BACH2: variants seen among roughly 807,000 people sequenced by gnomAD.
BACH2 encodes the protein transcription regulator protein BACH2.
Under a neutral mutation model 61.8 loss-of-function variants are expected in BACH2, and 5 were observed. The observed-to-expected ratio is 0.08, with a 90% CI of 0.04 to 0.17. BACH2 has a LOEUF of 0.17. Ranked by LOEUF, BACH2 falls within the 10% of genes least tolerant of loss-of-function variation. The pLI, the probability that BACH2 is intolerant of heterozygous loss-of-function variation, is 1.00. For synonymous variants in BACH2, 446 were observed against 440.1 expected (o/e 1.01, Z -0.17); for missense variants, 824 against 1,091.1 (o/e 0.76, Z 3.45).
chr6:90,294,726 A>G (rs574026699), intron 1 of BACH2, among the ~76,000 whole-genome samples: 157 of 152,254 alleles, frequency 1.0e-3, no homozygotes, highest in African/African-American at 3.6e-3. Flanking sequence ...TCACATTTTA[A>G]GCAAGACGCC....
At chr6:90,244,444 T>G (rs1770563698) in intron 3 of BACH2, among the ~76,000 whole-genome samples, 1 of 152,232 alleles carries the variant, frequency 6.6e-6, no homozygotes, top group Admixed American at 6.5e-5. Context: ...GAAACTCTGC[T>G]GTGATCTCTC....
chr6:90,005,487 T>C (rs1777359911), intron 6 of BACH2, among the ~76,000 whole-genome samples: 1 of 152,214 alleles, frequency 6.6e-6, no homozygotes, highest in Non-Finnish European at 1.5e-5. Context: ...TAAGGTAGTA[T>C]TTAGAATGTC....
At chr6:90,232,342 T>C (rs1317582821) in intron 3 of BACH2, among the ~76,000 whole-genome samples, 1 of 152,218 alleles carries the variant, frequency 6.6e-6, no homozygotes, top group African/African-American at 2.4e-5. Context: ...TAGACTGATG[T>C]AGAAAGATCT....
chr6:90,271,513 G>T (rs1326164467), intron 2 of BACH2, among the ~76,000 whole-genome samples: 5 of 151,962 alleles, frequency 3.3e-5, no homozygotes, highest in Non-Finnish European at 7.4e-5. Context: ...AATTTATGTG[G>T]TTTTTCTCAT....
intron 5 of BACH2, among the ~76,000 whole-genome samples, chr6:90,034,673 A>G (rs1317345849): frequency 6.6e-6 from 1 of 152,136 alleles, no homozygotes; most frequent in African/African-American, 2.4e-5. Context: ...ATAATTACAG[A>G]TTACAACAGT....
At chr6:90,173,220 T>C (rs1318651587) in intron 4 of BACH2, among the ~76,000 whole-genome samples, 1 of 151,946 alleles carries the variant, frequency 6.6e-6, no homozygotes, top group Non-Finnish European at 1.5e-5. Flanking sequence ...TCAAAATGAA[T>C]ATAAATGCAT....
chr6:89,999,630 C>G (rs1259524088), intron 6 of BACH2, among the ~76,000 whole-genome samples: 1 of 152,096 alleles, frequency 6.6e-6, no homozygotes, highest in East Asian at 1.9e-4. Context: ...GATGACTGAT[C>G]AAGTGAGGAA....
chr6:90,233,432 C>T (rs1582514803), intron 3 of BACH2, among the ~76,000 whole-genome samples: 1 of 152,304 alleles, frequency 6.6e-6, no homozygotes, highest in Non-Finnish European at 1.5e-5. Context: ...CCCACTCCAC[C>T]CTCCAGTAAA....
intron 8 of BACH2, among the ~76,000 whole-genome samples, chr6:89,934,046 T>A (rs1255837392): frequency 6.6e-6 from 1 of 152,070 alleles, no homozygotes; most frequent in Non-Finnish European, 1.5e-5. Flanking sequence ...CAATTTCCTG[T>A]CGTTGCCTAA....
At chr6:90,295,541 G>A (rs1772319029) in intron 1 of BACH2, among the ~76,000 whole-genome samples, 2 of 152,276 alleles carry the variant, frequency 1.3e-5, no homozygotes, top group Admixed American at 1.3e-4. Flanking sequence ...CGCCGGGTGA[G>A]CGAAGCACAG....
chr6:90,229,028 G>C (rs1770006797), intron 3 of BACH2, among the ~76,000 whole-genome samples: 1 of 152,164 alleles, frequency 6.6e-6, no homozygotes, highest in South Asian at 2.1e-4. Flanking sequence ...TATCCATGAG[G>C]TGATTCCACA....
At chr6:90,140,482 G>T (rs1404285838) in intron 4 of BACH2, among the ~76,000 whole-genome samples, 1 of 152,154 alleles carries the variant, frequency 6.6e-6, no homozygotes, top group East Asian at 1.9e-4. Context: ...GAAAATGATA[G>T]ATTTTTCCAC....
In BACH2 at chr6:89,975,763, T is replaced by G. The variant is rs548523530; in HGVS notation, c.244-23901A>C. ...GTTGCAGAGAAAAACAAAGTCCCAC[T>G]TATCAAAATGAAGTGCTTTTGTTCT... is the stretch of plus-strand genomic sequence containing the variant. On this transcript the variant is annotated intron_variant, in intron 6 of 8. Coordinates refer to ENST00000257749, the MANE Select transcript of BACH2 (RefSeq NM_021813.4). Among the ~76,000 whole-genome samples, 80 of 152,346 alleles carry G rather than the reference T, an allele frequency of 5.3e-4. 1 individual carries two copies. In the South Asian group the frequency reaches 0.015, roughly 29 times the overall value.
In BACH2 at chr6:89,938,330, T is replaced by C. The variant is rs752589190; in HGVS notation, c.1857A>G (p.Val619=). 15 of 1,613,760 alleles carry C rather than the reference T, an allele frequency of 9.3e-6. No homozygotes were observed. Among genetic ancestry groups the C allele is most frequent in the Admixed American group, 8.3e-5 (5 of 60,002 alleles). Residue 619 remains valine (V), a synonymous_variant, in exon 8 of 9, where the codon GTA becomes GTG. Coordinates refer to ENST00000257749, the MANE Select transcript of BACH2 (RefSeq NM_021813.4). ...RGQEVKLPFP[V]DQITDLPRND... ...TCCTTGGAAGATCTGTGATTTGATC[T>C]ACAGGAAAAGGAAGTTTTACCTGAA...
At chr6:89,987,689 G>T (rs1014553969) in intron 6 of BACH2, among the ~76,000 whole-genome samples, 1 of 152,092 alleles carries the variant, frequency 6.6e-6, no homozygotes, top group Non-Finnish European at 1.5e-5. Flanking sequence ...GCTCTCTTCA[G>T]TGGTGGTGAG....
intron 5 of BACH2, among the ~76,000 whole-genome samples, chr6:90,014,944 ATT>A (rs386407909): frequency 4.5e-5 from 6 of 133,606 alleles, no homozygotes; most frequent in Admixed American, 7.5e-5. Flanking sequence ...ATGTTCAGCT[ATT>A]TTTTTTTTTT....
At chr6:90,013,710 A>T (rs372348624) in intron 5 of BACH2, among the ~76,000 whole-genome samples, 1 of 151,706 alleles carries the variant, frequency 6.6e-6, no homozygotes, top group East Asian at 1.9e-4. Context: ...GGGTTTCACC[A>T]TGTTAGCCAG....
chr6:90,159,368 G>GA (rs1453280395), intron 4 of BACH2, among the ~76,000 whole-genome samples: 1 of 152,164 alleles, frequency 6.6e-6, no homozygotes, highest in Non-Finnish European at 1.5e-5. Context: ...GAAAGAAAGG[G>GA]AAAAGAGTGA....
At chr6:90,029,544 A>G (rs1177925515) in intron 5 of BACH2, among the ~76,000 whole-genome samples, 1 of 152,024 alleles carries the variant, frequency 6.6e-6, no homozygotes, top group African/African-American at 2.4e-5. Context: ...CACACACACT[A>G]TATTTTACTC....
Sources: gnomAD v4.1 joint callset for allele counts (sites outside exome capture counted in the v4.1 genomes callset) on GRCh38, gnomAD v4.1.1 for gene constraint, MANE v1.5 for transcripts, NCBI Gene and HGNC (gene_info 2026-07-23, HGNC 2026-07-21) for gene names.